The following STARD13 variants were observed in gnomAD, a reference collection of about 807,000 sequenced individuals.
STARD13 encodes StAR related lipid transfer domain containing 13.
STARD13 carries 62 observed loss-of-function variants against 106.4 expected under a neutral mutation model. The ratio of observed to expected loss-of-function variants is 0.58; its 90% confidence interval spans 0.48 to 0.72. STARD13 has a LOEUF of 0.72. Among genes scored for constraint, STARD13 ranks in the 30% least tolerant of loss-of-function variants. The pLI is 0.00. For missense variants in STARD13, 1,387 were observed against 1,424.0 expected (o/e 0.97, Z 0.42); for synonymous variants, 565 against 553.0 (o/e 1.02, Z -0.31).
chr13:33,369,445 C>CA, the STARD13 span, among the ~76,000 whole-genome samples: 1 of 151,994 alleles, frequency 6.6e-6, no homozygotes, highest in Admixed American at 6.6e-5. Context: ...CGTTAGTTAC[C>CA]AAAAAAATAA....
intron 1 of STARD13, among the ~76,000 whole-genome samples, chr13:33,195,853 A>G (rs1425647972): frequency 1.3e-5 from 2 of 152,160 alleles, no homozygotes; most frequent in Non-Finnish European, 2.9e-5. Flanking sequence ...TTTCATCTGT[A>G]AAATGGAGAC....
chr13:33,161,893 G>A (rs1169932156), intron 3 of STARD13, among the ~76,000 whole-genome samples: 2 of 152,110 alleles, frequency 1.3e-5, no homozygotes, highest in Non-Finnish European at 2.9e-5. Flanking sequence ...AGATGCAAAA[G>A]CGGAAACCCC....
At chr13:33,620,006 A>G in the STARD13 span, among the ~76,000 whole-genome samples, 3 of 152,224 alleles carry the variant, frequency 2.0e-5, no homozygotes, top group South Asian at 6.2e-4. Flanking sequence ...GCAGTGAGCT[A>G]AGATCGTGCC....
downstream of STARD13, among the ~76,000 whole-genome samples, chr13:33,348,139 A>G (rs1419062387): frequency 1.3e-5 from 2 of 152,206 alleles, no homozygotes; most frequent in African/African-American, 2.4e-5. Flanking sequence ...AGTGGTAAGC[A>G]GATTATGGGT....
the STARD13 span, among the ~76,000 whole-genome samples, chr13:33,420,746 C>T: frequency 2.6e-5 from 4 of 152,298 alleles, no homozygotes; most frequent in South Asian, 4.1e-4. Context: ...GAAATCACAA[C>T]AAACTGTCTC....
chr13:33,325,755 G>A (rs999409802), intron 1 of STARD13, among the ~76,000 whole-genome samples: 1 of 152,116 alleles, frequency 6.6e-6, no homozygotes, highest in East Asian at 1.9e-4. Flanking sequence ...AGCACTTGGG[G>A]AGGCCGAGGC....
chr13:33,524,340 T>C, the STARD13 span: 2 of 1,134,366 alleles, frequency 1.8e-6, no homozygotes, highest in Admixed American at 5.7e-5. Context: ...TCTGATGATT[T>C]TTCTTAGGAT....
rs553331428 is a variant in STARD13 at position 33,192,306 on chromosome 13, T to G, written c.170-24684A>C. 6.6e-5 allele frequency among the ~76,000 whole-genome samples: 10 copies of G among 152,344 alleles called. No individual in the cohort carries two copies. The South Asian group carries it at 2.1e-3, about 32-fold the overall frequency. On this transcript the variant is annotated intron_variant, in intron 1 of 13. Coordinates refer to ENST00000336934, the MANE Select transcript of STARD13 (RefSeq NM_178006.4). Reference sequence around the variant, plus strand: ...TTCCTTCTCTTATTCCTTAATTAATTAATCATAATCATCCACAGTTGTTAC... The same window carrying G: ...TTCCTTCTCTTATTCCTTAATTAATGAATCATAATCATCCACAGTTGTTAC...
chr13:33,365,489 A>G, the STARD13 span, among the ~76,000 whole-genome samples: 5 of 152,174 alleles, frequency 3.3e-5, no homozygotes, highest in Non-Finnish European at 5.9e-5. Flanking sequence ...TCGGGGCTGG[A>G]GAAGGGAGCC....
the STARD13 span, among the ~76,000 whole-genome samples, chr13:33,374,706 G>A: frequency 6.6e-6 from 1 of 152,054 alleles, no homozygotes. Flanking sequence ...GAGATGGTGG[G>A]GGCAGGTATC....
At chr13:33,367,114 G>T in the STARD13 span, among the ~76,000 whole-genome samples, 1 of 152,144 alleles carries the variant, frequency 6.6e-6, no homozygotes, top group East Asian at 1.9e-4. Context: ...GCACATTCAC[G>T]ATCTTTCTGC....
the STARD13 span, among the ~76,000 whole-genome samples, chr13:33,516,192 T>C: frequency 6.8e-6 from 1 of 148,006 alleles, no homozygotes; most frequent in African/African-American, 2.5e-5. Context: ...ATATGAATTA[T>C]ATATATTTAT....
At chr13:33,486,864 T>C in the STARD13 span, among the ~76,000 whole-genome samples, 1 of 152,208 alleles carries the variant, frequency 6.6e-6, no homozygotes, top group Admixed American at 6.5e-5. Flanking sequence ...CAGTTCCTCA[T>C]TGACCTTTAA....
At chr13:33,573,886 T>C in the STARD13 span, among the ~76,000 whole-genome samples, 1 of 152,148 alleles carries the variant, frequency 6.6e-6, no homozygotes, top group Non-Finnish European at 1.5e-5. Context: ...ACAAATTGTG[T>C]ACACTGGTGA....
the STARD13 span, among the ~76,000 whole-genome samples, chr13:33,570,787 G>A: frequency 9.9e-5 from 15 of 152,244 alleles, no homozygotes; most frequent in Non-Finnish European, 1.3e-4. Context: ...CAAATGAAGC[G>A]TCTGTCATGT....
At chr13:33,241,686 G>A (rs985396692) in intron 1 of STARD13, among the ~76,000 whole-genome samples, 8 of 151,984 alleles carry the variant, frequency 5.3e-5, no homozygotes, top group African/African-American at 7.3e-5. Flanking sequence ...GATTGCAGGC[G>A]CGCGCCGCCA....
At chr13:33,331,964 G>C (rs2138562174) in intron 1 of STARD13, among the ~76,000 whole-genome samples, 1 of 152,202 alleles carries the variant, frequency 6.6e-6, no homozygotes, top group East Asian at 1.9e-4. Context: ...AATAATCAAG[G>C]AGGCCTGTAA....
chr13:33,200,847 C>T (rs570997207), intron 1 of STARD13, among the ~76,000 whole-genome samples: 1 of 151,626 alleles, frequency 6.6e-6, no homozygotes, highest in African/African-American at 2.4e-5. Flanking sequence ...CGGTGAAACC[C>T]GTCTCTACTA....
the STARD13 span, among the ~76,000 whole-genome samples, chr13:33,458,337 A>C: frequency 3.3e-4 from 50 of 151,344 alleles, no homozygotes; most frequent in Non-Finnish European, 6.9e-4. Flanking sequence ...CAGTGGCTCA[A>C]TCTTGGCTCA....
Sources: gnomAD v4.1 joint callset for allele counts (sites outside exome capture counted in the v4.1 genomes callset) on GRCh38, gnomAD v4.1.1 for gene constraint, MANE v1.5 for transcripts, NCBI Gene and HGNC (gene_info 2026-07-23, HGNC 2026-07-21) for gene names.